The following PALS2 variants were observed in gnomAD, a reference collection of about 807,000 sequenced individuals.
PALS2 encodes the protein protein associated with LIN7 2, MAGUK p55 family member, also known as protein PALS2.
PALS2 carries 27 observed loss-of-function variants against 61.6 expected under a neutral mutation model. The ratio of observed to expected loss-of-function variants is 0.44; its 90% CI spans 0.32 to 0.60. The LOEUF (loss-of-function observed/expected upper bound fraction) is 0.60. PALS2 is among the 20% of genes least tolerant of loss of function. PALS2 has a pLI of 0.05. For missense variants in PALS2, 554 were observed against 639.4 expected (o/e 0.87, Z 1.44); for synonymous variants, 236 against 218.6 (o/e 1.08, Z -0.70).
intron 9 of PALS2, among the ~76,000 whole-genome samples, chr7:24,675,167 A>C (rs1015066258): frequency 1.3e-5 from 2 of 152,132 alleles, no homozygotes; most frequent in African/African-American, 4.8e-5. Context: ...AAGAATTAAG[A>C]TTCCCTCAGC....
chr7:24,687,487 C>T lies in PALS2; in HGVS notation c.1496C>T (p.Ala499Val). The T allele has an allele frequency of 6.2e-7, 1 of 1,612,640 alleles. No individual in the cohort carries two copies. Among genetic ancestry groups the T allele is most frequent in the Non-Finnish European group, 8.5e-7 (1 of 1,179,544 alleles). Reference sequence around the variant, plus strand: ...GATGAAAGTGCACGGATTCAGAGAGCATACAACCACTATTTTGATTTGATC... The same window carrying T: ...GATGAAAGTGCACGGATTCAGAGAGTATACAACCACTATTTTGATTTGATC... ...TVDESARIQR[A>V]YNHYFDLIII... The change falls in exon 12 of 12, where the codon GCA (alanine) becomes GTA (valine). Residue 499 changes from alanine (A) to valine (V), a missense_variant. By Grantham distance (64) the Ala-to-Val change is moderately conservative (BLOSUM62 0). Coordinates refer to ENST00000222644, the MANE Select transcript of PALS2 (RefSeq NM_001303037.2). The surrounding 1 kb of genome is among the most constrained non-coding windows in gnomAD (Gnocchi z 4.5).
chr7:24,614,975 GA>G (rs1197336073), intron 1 of PALS2, among the ~76,000 whole-genome samples: 3 of 151,746 alleles, frequency 2.0e-5, no homozygotes, highest in African/African-American at 7.3e-5. Flanking sequence ...AATAAAACTA[GA>G]AACCAGTAAC....
In PALS2 at chr7:24,688,750, T is replaced by G. The variant is rs903987321; in HGVS notation, c.*1136T>G. The stretch of plus-strand genomic sequence containing the variant: ...CATTATATAATATGTATATTATGTA[T>G]TATATAATATATATAAAATGTTTTG... On this transcript the variant is annotated 3_prime_UTR_variant, in exon 12 of 12. Transcript: ENST00000222644. 1.3e-5 allele frequency: 2 copies of G among 149,492 alleles called. No individual in the cohort carries two copies. Among genetic ancestry groups the G allele is most frequent in the Non-Finnish European group, 3.0e-5 (2 of 67,510 alleles). The allele number at this position is 149,492 out of a possible 1,614,324, so 9.3% of individuals were successfully genotyped here. A position where few individuals can be genotyped will look rare whatever the true frequency, so the allele number is the denominator to read the frequency against.
chr7:24,668,893 T>A (rs967505958), intron 9 of PALS2, among the ~76,000 whole-genome samples: 2 of 152,244 alleles, frequency 1.3e-5, no homozygotes, highest in Non-Finnish European at 2.9e-5. Context: ...TCTAAACTAT[T>A]CAGTTCAGAA....
chr7:24,658,658 G>A lies in PALS2; in HGVS notation c.652-4932G>A, dbSNP rs186577635. Among the ~76,000 whole-genome samples the A allele has an allele frequency of 2.7e-3, 408 of 151,396 alleles. 2 individuals are homozygous for A. Among genetic ancestry groups the A allele is most frequent in the African/African-American group, 9.0e-3 (371 of 41,210 alleles). ...TGCAACCCCCACCTCCTGGGTTCAA[G>A]TGATTCTCCTGCCTGAGCCTCCCAA... is the stretch of plus-strand genomic sequence containing the variant. On this transcript the variant is annotated intron_variant, in intron 5 of 11. Transcript: ENST00000222644.
At chr7:24,681,126 G>A (rs537019229) in intron 11 of PALS2, among the ~76,000 whole-genome samples, 10 of 152,000 alleles carry the variant, frequency 6.6e-5, no homozygotes, top group Non-Finnish European at 1.0e-4. Flanking sequence ...ACTGGGCTCC[G>A]AGATCATTAA....
intron 9 of PALS2, among the ~76,000 whole-genome samples, chr7:24,673,842 G>GT (rs1787428392): frequency 6.6e-6 from 1 of 151,456 alleles, no homozygotes; most frequent in Admixed American, 6.6e-5. Context: ...TTTACTCTCT[G>GT]TTTTTTTAGA....
At position 24,573,668 on chromosome 7, in the gene PALS2, G is replaced by T. The variant is rs1299961741; in HGVS notation, c.-3+75G>T. On this transcript the variant is annotated intron_variant, in intron 1 of 11. Coordinates refer to ENST00000222644, the MANE Select transcript of PALS2 (RefSeq NM_001303037.2). This position sits in a 1 kb window ranked among gnomAD's most constrained non-coding sequence, Gnocchi z 5.3. Reference sequence around the variant, plus strand: ...CCGGGCCGGCCGGGGGCGCCCTGTTGCTCGGCGCGGCGCGCCACGCGGGGA... The same window carrying T: ...CCGGGCCGGCCGGGGGCGCCCTGTTTCTCGGCGCGGCGCGCCACGCGGGGA... 4.7e-6 allele frequency: 1 copy of T among 214,628 alleles called. No homozygotes were observed. The highest frequency in any genetic ancestry group is 2.4e-5 in the African/African-American group (1 of 42,152). 13.3% of individuals were successfully genotyped at this position (214,628 alleles called of 1,614,324 possible). A position where few individuals can be genotyped will look rare whatever the true frequency, so the allele number is the denominator to read the frequency against.
intron 1 of PALS2, among the ~76,000 whole-genome samples, chr7:24,586,189 CAA>C (rs1159158031): frequency 6.6e-6 from 1 of 151,516 alleles, no homozygotes; most frequent in East Asian, 1.9e-4. Flanking sequence ...TAGGGGAAAA[CAA>C]AGTTTAGCCA....
intron 1 of PALS2, among the ~76,000 whole-genome samples, chr7:24,583,818 G>A (rs1443535200): frequency 6.7e-6 from 1 of 149,360 alleles, no homozygotes; most frequent in Non-Finnish European, 1.5e-5. Flanking sequence ...CCTCTCCCCC[G>A]ACCCCACCAC....
intron 1 of PALS2, among the ~76,000 whole-genome samples, chr7:24,609,249 G>GCTCCTCCC (rs1784029853): frequency 6.6e-6 from 1 of 152,112 alleles, no homozygotes; most frequent in Non-Finnish European, 1.5e-5. Flanking sequence ...TGTGTAGGCT[G>GCTCCTCCC]CTCCTCCCCT....
At chr7:24,642,374 C>G (rs1785602171) in intron 3 of PALS2, among the ~76,000 whole-genome samples, 1 of 152,080 alleles carries the variant, frequency 6.6e-6, no homozygotes, top group Non-Finnish European at 1.5e-5. Context: ...ATGAAGAGTT[C>G]ATCAGTTTTA....
At chr7:24,600,572 A>G (rs1583855632) in intron 1 of PALS2, among the ~76,000 whole-genome samples, 2 of 152,184 alleles carry the variant, frequency 1.3e-5, no homozygotes, top group Admixed American at 1.3e-4. Context: ...AGTTAAGGAA[A>G]ATTTATGGTG....
chr7:24,684,128 T>A (rs1158346115), intron 11 of PALS2, among the ~76,000 whole-genome samples: 1 of 152,090 alleles, frequency 6.6e-6, no homozygotes, highest in Non-Finnish European at 1.5e-5. Flanking sequence ...TTTTTTGTTT[T>A]TTTTTTCTGT....
intron 1 of PALS2, among the ~76,000 whole-genome samples, chr7:24,587,041 G>GT (rs1471260580): frequency 9.8e-6 from 1 of 101,686 alleles, no homozygotes; most frequent in African/African-American, 3.1e-5. Context: ...TTTTTTTTTT[G>GT]TTTTTTGTTT....
At chr7:24,667,657 A>ATTT (rs11284911) in intron 8 of PALS2, among the ~76,000 whole-genome samples, 48 of 98,658 alleles carry the variant, frequency 4.9e-4, no homozygotes, top group Non-Finnish European at 7.0e-4. Context: ...GATTAGATAA[A>ATTT]TTTTTTTTTT....
intron 2 of PALS2, chr7:24,624,173 C>G: frequency 8.1e-7 from 1 of 1,237,970 alleles, no homozygotes; most frequent in Non-Finnish European, 1.1e-6. Flanking sequence ...TCTTGACTTC[C>G]TTTATCTAGT....
chr7:24,654,555 AT>A (rs1328163491), intron 5 of PALS2, among the ~76,000 whole-genome samples: 1 of 152,152 alleles, frequency 6.6e-6, no homozygotes, highest in Non-Finnish European at 1.5e-5. Flanking sequence ...CTAGGAATAA[AT>A]TAACCAAAAA....
At chr7:24,592,250 A>T (rs902128862) in intron 1 of PALS2, among the ~76,000 whole-genome samples, 1 of 152,154 alleles carries the variant, frequency 6.6e-6, no homozygotes, top group African/African-American at 2.4e-5. Flanking sequence ...TAATGTGGTA[A>T]GTGCTGTATA....
Sources: allele counts gnomAD v4.1 joint callset (sites outside exome capture counted in the v4.1 genomes callset), GRCh38; gene constraint gnomAD v4.1.1; non-coding constraint Gnocchi (gnomAD v3.1); transcripts MANE v1.5; gene names NCBI Gene and HGNC (gene_info 2026-07-23, HGNC 2026-07-21).